Variants in MTPN observed in about 807,000 individuals in gnomAD.
MTPN encodes the protein myotrophin, also known as granule cell differentiation protein.
A neutral mutation model predicts 13.5 loss-of-function variants in MTPN; 2 were observed. The ratio of observed to expected loss-of-function variants is 0.15; its 90% confidence interval spans 0.06 to 0.47. The LOEUF (loss-of-function observed/expected upper bound fraction) is 0.47. Ranked by LOEUF, MTPN falls within the 20% of genes least tolerant of loss-of-function variation. The pLI, the probability that MTPN is intolerant of heterozygous loss-of-function variation, is 0.97. For missense variants in MTPN, 79 were observed against 137.9 expected (o/e 0.57, Z 2.14); for synonymous variants, 46 against 51.7 (o/e 0.89, Z 0.48).
chr7:135,975,826 G>A (rs1799765059), intron 1 of MTPN, among the ~76,000 whole-genome samples: 2 of 152,228 alleles, frequency 1.3e-5, no homozygotes, highest in South Asian at 2.1e-4. Flanking sequence ...AAGCAGGTAA[G>A]CAGCATCCAA....
At chr7:135,933,762 T>C (rs1799067056) in intron 3 of MTPN, among the ~76,000 whole-genome samples, 1 of 152,212 alleles carries the variant, frequency 6.6e-6, no homozygotes, top group Admixed American at 6.5e-5. Context: ...TTAAAATGGT[T>C]TGGCTCTGTG....
At chr7:135,958,544 C>G (rs1277188507) in intron 1 of MTPN, among the ~76,000 whole-genome samples, 1 of 152,168 alleles carries the variant, frequency 6.6e-6, no homozygotes, top group Non-Finnish European at 1.5e-5. Context: ...CTGAGTATCT[C>G]TAATGAAAGG....
intron 1 of MTPN, among the ~76,000 whole-genome samples, chr7:135,963,390 A>G (rs1306933636): frequency 1.3e-5 from 2 of 152,034 alleles, no homozygotes; most frequent in African/African-American, 4.8e-5. Flanking sequence ...CTGGTGACTG[A>G]TATCAGTGTG....
At position 135,977,167 on chromosome 7, in the gene MTPN, G is replaced by T; in HGVS notation, c.-67C>A. The T allele has an allele frequency of 6.5e-7, 1 of 1,542,700 alleles. No homozygotes were observed. On this transcript the variant is annotated 5_prime_UTR_variant, in exon 1 of 4. Transcript: ENST00000393085. ...GAGGCGGTGGCAGCAGCAAGCGGATGCCGCCGGGCGAGAGGGAGGCAGGGC... is the reference window on the plus strand; with the variant it reads ...GAGGCGGTGGCAGCAGCAAGCGGATTCCGCCGGGCGAGAGGGAGGCAGGGC...
At chr7:135,939,170 T>C (rs932821684) in intron 3 of MTPN, among the ~76,000 whole-genome samples, 1 of 152,184 alleles carries the variant, frequency 6.6e-6, no homozygotes, top group Non-Finnish European at 1.5e-5. Context: ...ATACAGTGTG[T>C]ACTTCCTTTT....
At chr7:135,968,643 T>C (rs1396195565) in intron 1 of MTPN, among the ~76,000 whole-genome samples, 3 of 151,660 alleles carry the variant, frequency 2.0e-5, no homozygotes, top group Non-Finnish European at 2.9e-5. Context: ...ATTCTCACAG[T>C]GCATGACATC....
In MTPN at chr7:135,929,780, C is replaced by G; in HGVS notation, c.*146G>C. 1 of 764,582 alleles carries G rather than the reference C, an allele frequency of 1.3e-6. No homozygotes were observed. Among genetic ancestry groups the G allele is most frequent in the Non-Finnish European group, 2.2e-6 (1 of 464,170 alleles). 47.4% of individuals were successfully genotyped at this position (764,582 alleles called of 1,614,324 possible). A position where few individuals can be genotyped will look rare whatever the true frequency, so the allele number is the denominator to read the frequency against. ...AAAACAATTTTTTTTTTCTGGTAGT[C>G]GGATTTGTTATGAATTTCTCTCTCC... is the stretch of plus-strand genomic sequence containing the variant. On this transcript the variant is annotated 3_prime_UTR_variant, in exon 4 of 4. Coordinates refer to ENST00000393085, the MANE Select transcript of MTPN (RefSeq NM_145808.4).
At chr7:135,963,958 A>C (rs1276843807) in intron 1 of MTPN, among the ~76,000 whole-genome samples, 2 of 152,050 alleles carry the variant, frequency 1.3e-5, no homozygotes, top group African/African-American at 4.8e-5. Flanking sequence ...GTATTTTTTA[A>C]AAGCTTGTGG....
At chr7:135,968,167 G>A (rs1261957699) in intron 1 of MTPN, among the ~76,000 whole-genome samples, 2 of 151,974 alleles carry the variant, frequency 1.3e-5, no homozygotes, top group Non-Finnish European at 2.9e-5. Context: ...GTATCAAAAT[G>A]CTCATTCTTT....
chr7:135,945,707 CT>C lies in MTPN; in HGVS notation c.270+4891del, dbSNP rs202170137. Among the ~76,000 whole-genome samples, 19 of 151,398 alleles carry C rather than the reference CT, an allele frequency of 1.3e-4. No homozygotes were observed. The East Asian group carries it at 2.7e-3, about 22-fold the overall frequency. On this transcript the variant is annotated intron_variant, in intron 3 of 3. Coordinates refer to ENST00000393085, the MANE Select transcript of MTPN (RefSeq NM_145808.4). ...CATGCCTGAAGTTCTTTTACATTAACTTTTTTTTTAATAAGTAGAAGAAACT... is the reference window on the plus strand; with the variant it reads ...CATGCCTGAAGTTCTTTTACATTAACTTTTTTTTAATAAGTAGAAGAAACT...
intron 3 of MTPN, among the ~76,000 whole-genome samples, chr7:135,936,412 G>A (rs1361811410): frequency 6.6e-6 from 1 of 152,212 alleles, no homozygotes; most frequent in African/African-American, 2.4e-5. Flanking sequence ...TTGAACCCAG[G>A]AGGCGGAGGT....
chr7:135,930,771 T>G (rs1023670840), intron 3 of MTPN, among the ~76,000 whole-genome samples: 2 of 152,162 alleles, frequency 1.3e-5, no homozygotes, highest in African/African-American at 4.8e-5. Flanking sequence ...AGGTGCATGG[T>G]AGGTTAATCT....
At chr7:135,976,924 T>TACAAA in intron 1 of MTPN, 105 bp downstream of exon 1, 1 of 724,844 alleles carries the variant, frequency 1.4e-6, no homozygotes, top group Middle Eastern at 2.4e-4. Context: ...AGGAAGTCTC[T>TACAAA]CCTCCCGCCC....
intron 1 of MTPN, among the ~76,000 whole-genome samples, chr7:135,958,345 A>C (rs1013935809): frequency 1.3e-5 from 2 of 152,210 alleles, no homozygotes; most frequent in African/African-American, 4.8e-5. Flanking sequence ...ACAGTCACTT[A>C]TAACAGCTTT....
intron 1 of MTPN, among the ~76,000 whole-genome samples, chr7:135,962,872 T>G (rs1222453580): frequency 6.6e-6 from 1 of 152,046 alleles, no homozygotes; most frequent in Non-Finnish European, 1.5e-5. Flanking sequence ...AGAGAATGGT[T>G]TTTAGACCTT....
Position 135,977,131 on chromosome 7 carries a change from C to T in MTPN, c.-31G>A. The T allele has an allele frequency of 6.2e-7, 1 of 1,612,696 alleles. No homozygotes were observed. The highest frequency in any genetic ancestry group is 1.1e-5 in the South Asian group (1 of 91,068). On this transcript the variant is annotated 5_prime_UTR_variant, in exon 1 of 4. Coordinates refer to ENST00000393085, the MANE Select transcript of MTPN (RefSeq NM_145808.4). ...CAGCGGGGCAGGCCGGTTGGCCGGGCAGAAGATGAGGAGGCGGTGGCAGCA... is the reference window on the plus strand; with the variant it reads ...CAGCGGGGCAGGCCGGTTGGCCGGGTAGAAGATGAGGAGGCGGTGGCAGCA...
At position 135,952,319 on chromosome 7, in the gene MTPN, A is replaced by G. The variant is rs112405639; in HGVS notation, c.73-689T>C. Among the ~76,000 whole-genome samples, 19 of 152,348 alleles carry G rather than the reference A, an allele frequency of 1.2e-4. No homozygotes were observed. In the South Asian group the frequency reaches 1.9e-3, roughly 15 times the overall value. ...GACAATCCTGGTGATGAATGGAGGT[A>G]TAGTGCCAGAAAAATGAACTTAAGT... On this transcript the variant is annotated intron_variant, in intron 1 of 3. Coordinates refer to ENST00000393085, the MANE Select transcript of MTPN (RefSeq NM_145808.4).
chr7:135,969,321 A>T (rs10269346), intron 1 of MTPN, among the ~76,000 whole-genome samples: 72,398 of 150,068 alleles, frequency 0.48, 17,853 homozygotes, highest in East Asian at 0.59. Context: ...CTTAATACAG[A>T]TAAGAAGTTT....
chr7:135,939,588 GCGGGTGCGT>G (rs1562929846), intron 3 of MTPN, among the ~76,000 whole-genome samples: 4 of 96,868 alleles, frequency 4.1e-5, no homozygotes, highest in Admixed American at 1.0e-4. Context: ...GGGGGGGGGG[GCGGGTGCGT>G]GGGGCGGGTG....
Sources: gnomAD v4.1 joint callset for allele counts (sites outside exome capture counted in the v4.1 genomes callset) on GRCh38, gnomAD v4.1.1 for gene constraint, MANE v1.5 for transcripts, NCBI Gene and HGNC (gene_info 2026-07-23, HGNC 2026-07-21) for gene names.